PDIA4: variants seen among roughly 807,000 people sequenced by gnomAD.
PDIA4 encodes the protein protein disulfide isomerase family A member 4.
Under a neutral mutation model 62.1 loss-of-function variants are expected in PDIA4, and 33 were observed. The observed-to-expected ratio is 0.53, with a 90% CI of 0.40 to 0.71. The LOEUF (loss-of-function observed/expected upper bound fraction) is 0.71. Ranked by LOEUF, PDIA4 falls within the 30% of genes least tolerant of loss-of-function variation. The pLI is 0.00. For missense variants in PDIA4, 804 were observed against 813.6 expected (o/e 0.99, Z 0.14); for synonymous variants, 341 against 324.1 (o/e 1.05, Z -0.56).
chr7:149,020,877 C>A, intron 2 of PDIA4, 90 bp downstream of exon 2: 3 of 1,513,164 alleles, frequency 2.0e-6, no homozygotes, highest in South Asian at 2.6e-5. Context: ...ACTCCTACCC[C>A]ACCCCCCAAG....
chr7:149,021,800 C>A (rs1055396399), intron 1 of PDIA4, among the ~76,000 whole-genome samples: 2 of 152,176 alleles, frequency 1.3e-5, no homozygotes, highest in Non-Finnish European at 2.9e-5. Context: ...TGAGCCCAGA[C>A]AGCCTCCGCA....
At chr7:149,016,619 C>T (rs12704057) in intron 3 of PDIA4, among the ~76,000 whole-genome samples, 99,394 of 151,754 alleles carry the variant, frequency 0.65, 36,164 homozygotes, top group South Asian at 0.82. Flanking sequence ...CCCGGGTTCA[C>T]GCCATTCTCC....
At chr7:149,021,186 G>A (rs1824336406) in intron 1 of PDIA4, 39 bp from the exon 2 acceptor site, 2 of 1,543,820 alleles carry the variant, frequency 1.3e-6, no homozygotes, top group Non-Finnish European at 1.7e-6. Flanking sequence ...AAAGCTGGTG[G>A]TGACTCTCCT....
chr7:149,028,337 G>A lies in PDIA4; in HGVS notation c.72C>T (p.Ala24=). 1 of 1,522,278 alleles carries A rather than the reference G, an allele frequency of 6.6e-7. No homozygotes were observed. Among genetic ancestry groups the A allele is most frequent in the Non-Finnish European group, 8.8e-7 (1 of 1,138,134 alleles). 94.3% of individuals were successfully genotyped at this position (1,522,278 alleles called of 1,614,324 possible). A position where few individuals can be genotyped will look rare whatever the true frequency, so the allele number is the denominator to read the frequency against. ...GLVQLLAVAG[A]EGPDEDSSNR... ...GCCGCTCACCCTCGTCCGGGCCCTC[G>A]GCACCCGCCACGGCCAGCAGCTGCA... The change falls in exon 1 of 10, where the codon GCC becomes GCT. Residue 24 remains alanine (A), a synonymous_variant. Transcript: ENST00000652332.
At position 149,003,746 on chromosome 7, in the gene PDIA4, G is replaced by A. The variant is rs756995657; in HGVS notation, c.*48C>T. On this transcript the variant is annotated 3_prime_UTR_variant, in exon 10 of 10. Coordinates refer to ENST00000652332, the MANE Select transcript of PDIA4 (RefSeq NM_004911.5). The stretch of plus-strand genomic sequence containing the variant: ...CTCGGCGTGGACGCCCCGACCATGG[G>A]CCACGCAGGGCGTCTGCCTCCTCCC... The A allele has an allele frequency of 2.1e-6, 3 of 1,426,346 alleles. No individual in the cohort carries two copies. Among genetic ancestry groups the A allele is most frequent in the African/African-American group, 1.5e-5 (1 of 68,444 alleles). The allele number at this position is 1,426,346 out of a possible 1,614,324, so 88.4% of individuals were successfully genotyped here.
At position 149,008,318 on chromosome 7, in the gene PDIA4, G is replaced by A. The variant is rs754797809; in HGVS notation, c.980-8C>T. The A allele has an allele frequency of 6.2e-6, 10 of 1,608,940 alleles. No individual in the cohort carries two copies. Among genetic ancestry groups the A allele is most frequent in the South Asian group, 3.3e-5 (3 of 90,118 alleles). On this transcript the variant is annotated splice_region_variant and splice_polypyrimidine_tract_variant and intron_variant, in intron 6 of 9. Transcript: ENST00000652332. ...CTTCTCTCAGGTTGTTAGCTGAAAC[G>A]TTAACAGAATAAGATGTAATTTTGA...
chr7:149,015,801 C>A (rs552427317), intron 3 of PDIA4, among the ~76,000 whole-genome samples: 1 of 152,256 alleles, frequency 6.6e-6, no homozygotes, highest in Non-Finnish European at 1.5e-5. Context: ...ACCTCCTCTG[C>A]GCATTCGCAG....
At chr7:149,004,641 C>G (rs1043563547) in intron 9 of PDIA4, among the ~76,000 whole-genome samples, 4 of 152,204 alleles carry the variant, frequency 2.6e-5, no homozygotes, top group Non-Finnish European at 5.9e-5. Flanking sequence ...CTGTTTAAAG[C>G]TGTACAGCAA....
chr7:149,016,595 T>C (rs1210743821), intron 3 of PDIA4, among the ~76,000 whole-genome samples: 2 of 152,054 alleles, frequency 1.3e-5, no homozygotes, highest in East Asian at 3.8e-4. Flanking sequence ...CTCGGCTCAC[T>C]GCAACCTCTG....
chr7:149,017,968 G>A (rs1029591136), intron 3 of PDIA4, among the ~76,000 whole-genome samples: 2 of 152,166 alleles, frequency 1.3e-5, no homozygotes, highest in Non-Finnish European at 2.9e-5. Flanking sequence ...GGTGGTTCAC[G>A]CCTGTAATCC....
rs1338475797 is a variant in PDIA4 at position 149,028,303 on chromosome 7, G to A, written c.88+18C>T. The A allele has an allele frequency of 7.3e-6, 11 of 1,508,834 alleles. No individual in the cohort carries two copies. The highest frequency in any genetic ancestry group is 8.9e-6 in the Non-Finnish European group (10 of 1,129,500). The allele number at this position is 1,508,834 out of a possible 1,614,324, so 93.5% of individuals were successfully genotyped here. A position where few individuals can be genotyped will look rare whatever the true frequency, so the allele number is the denominator to read the frequency against. ...CCCCCGCAAGCACAGCCCGACCCGC[G>A]GCGCGCTTGCCGCTCACCCTCGTCC... On this transcript the variant is annotated intron_variant, in intron 1 of 9. Coordinates refer to ENST00000652332, the MANE Select transcript of PDIA4 (RefSeq NM_004911.5).
At chr7:149,024,272 T>C (rs114336888) in intron 1 of PDIA4, among the ~76,000 whole-genome samples, 311 of 152,166 alleles carry the variant, frequency 2.0e-3, no homozygotes, top group African/African-American at 7.2e-3. Flanking sequence ...ATTATCTTTT[T>C]AAAGAATAAA....
At chr7:149,024,499 G>A (rs994408036) in intron 1 of PDIA4, among the ~76,000 whole-genome samples, 6 of 151,986 alleles carry the variant, frequency 3.9e-5, no homozygotes, top group Admixed American at 3.3e-4. Context: ...ATTTTTAAAG[G>A]TGGACATTCT....
chr7:149,021,265 C>T (rs962294382), intron 1 of PDIA4, 118 bp from the exon 2 acceptor site: 30 of 947,626 alleles, frequency 3.2e-5, no homozygotes, highest in Admixed American at 5.1e-5. Context: ...CTGAGGTGGG[C>T]GGATCACGAG....
At chr7:149,018,560 T>C (rs1475302495) in intron 3 of PDIA4, among the ~76,000 whole-genome samples, 1 of 152,138 alleles carries the variant, frequency 6.6e-6, no homozygotes. Flanking sequence ...GCCTCCCAAG[T>C]AGCTGGGATT....
intron 1 of PDIA4, among the ~76,000 whole-genome samples, chr7:149,022,305 T>C (rs1404610665): frequency 6.6e-6 from 1 of 152,158 alleles, no homozygotes; most frequent in Non-Finnish European, 1.5e-5. Context: ...GGGGTCAACA[T>C]GTATCAAAAA....
At chr7:149,015,112 C>T in intron 3 of PDIA4, 70 bp from the exon 4 acceptor site, 2 of 1,513,126 alleles carry the variant, frequency 1.3e-6, no homozygotes, top group East Asian at 4.5e-5. Flanking sequence ...CCTCCAGAAG[C>T]AGATGAGGAG....
intron 3 of PDIA4, among the ~76,000 whole-genome samples, chr7:149,017,144 C>A (rs539935236): frequency 1.3e-5 from 2 of 152,012 alleles, no homozygotes; most frequent in South Asian, 4.2e-4. Flanking sequence ...CTATGAGGAC[C>A]GGAAGCCTAT....
intron 4 of PDIA4, among the ~76,000 whole-genome samples, chr7:149,012,961 G>T (rs1380299598): frequency 6.6e-6 from 1 of 152,130 alleles, no homozygotes; most frequent in East Asian, 1.9e-4. Flanking sequence ...TTGCCCACAA[G>T]AACTGGCCGG....
Sources: gnomAD v4.1 joint callset for allele counts (sites outside exome capture counted in the v4.1 genomes callset) on GRCh38, gnomAD v4.1.1 for gene constraint, MANE v1.5 for transcripts, NCBI Gene and HGNC (gene_info 2026-07-23, HGNC 2026-07-21) for gene names.